The following FBN2 variants were observed in gnomAD, a reference collection of about 807,000 sequenced individuals.
FBN2 encodes the protein fibrillin-2.
In FBN2, 105 loss-of-function variants were observed where a neutral mutation model predicts 355.6. The ratio of observed to expected loss-of-function variants is 0.30; its 90% confidence interval spans 0.25 to 0.35. The LOEUF (loss-of-function observed/expected upper bound fraction) is 0.35. FBN2 is among the 10% of genes least tolerant of loss of function. The probability of loss-of-function intolerance (pLI) is 1.00; values close to 1 mark genes in which losing one functional copy is unlikely to be tolerated. For synonymous variants in FBN2, 1,350 were observed against 1,301.2 expected (o/e 1.04, Z -0.81); for missense variants, 3,280 against 3,758.7 (o/e 0.87, Z 3.33).
At chr5:128,298,417 C>T (rs375116005) in intron 48 of FBN2, among the ~76,000 whole-genome samples, 11 of 151,982 alleles carry the variant, frequency 7.2e-5, no homozygotes, top group East Asian at 1.9e-4. Context: ...TCCTGGATAA[C>T]ATCCTGCAGA....
intron 11 of FBN2, among the ~76,000 whole-genome samples, chr5:128,390,448 C>A (rs968933912): frequency 6.6e-6 from 1 of 152,036 alleles, no homozygotes; most frequent in African/African-American, 2.4e-5. Flanking sequence ...CAGGTTAAGG[C>A]AATGGCACCA....
At chr5:128,269,702 C>T (rs754613012) in intron 62 of FBN2, among the ~76,000 whole-genome samples, 4 of 152,150 alleles carry the variant, frequency 2.6e-5, no homozygotes, top group Non-Finnish European at 5.9e-5. Flanking sequence ...AGGAGAACTA[C>T]AAACCACTGC....
Position 128,361,874 on chromosome 5 carries a change from A to G in FBN2, c.2429-26T>C, listed in dbSNP as rs761532977. On this transcript the variant is annotated intron_variant, in intron 18 of 64. Transcript: ENST00000262464. ...CTGAAAGCAACGATTGAAAGATAGGAGATACACATATTTAAGCATCTATTA... is the reference window on the plus strand; with the variant it reads ...CTGAAAGCAACGATTGAAAGATAGGGGATACACATATTTAAGCATCTATTA... The G allele has an allele frequency of 2.5e-6, 4 of 1,611,092 alleles. No homozygotes were observed. The South Asian group carries it at 4.4e-5, about 18-fold the overall frequency.
intron 5 of FBN2, among the ~76,000 whole-genome samples, chr5:128,518,305 T>C (rs1461505692): frequency 6.6e-6 from 1 of 152,156 alleles, no homozygotes; most frequent in East Asian, 1.9e-4. Flanking sequence ...TCTATATAGG[T>C]CATGAGTTTA....
At chr5:128,523,314 G>A (rs894869034) in intron 4 of FBN2, among the ~76,000 whole-genome samples, 3 of 151,996 alleles carry the variant, frequency 2.0e-5, no homozygotes, top group African/African-American at 7.2e-5. Context: ...TTCTTCCTTC[G>A]TTTTCTAGGA....
chr5:128,272,839 T>C (rs1004350402), intron 61 of FBN2, among the ~76,000 whole-genome samples: 3 of 152,148 alleles, frequency 2.0e-5, no homozygotes, highest in Middle Eastern at 3.2e-3. Context: ...TGGTATCTTA[T>C]GGGGATGGTC....
chr5:128,307,527 A>C (rs1268938184), intron 41 of FBN2, among the ~76,000 whole-genome samples: 1 of 152,122 alleles, frequency 6.6e-6, no homozygotes, highest in Non-Finnish European at 1.5e-5. Flanking sequence ...GCTTTAAAAA[A>C]CATCCAATAC....
chr5:128,439,833 T>C (rs928542739), intron 7 of FBN2, among the ~76,000 whole-genome samples: 1 of 152,174 alleles, frequency 6.6e-6, no homozygotes, highest in South Asian at 2.1e-4. Flanking sequence ...ATAAAAATGC[T>C]CATGATTATT....
intron 20 of FBN2, among the ~76,000 whole-genome samples, chr5:128,353,225 C>T (rs1751416136): frequency 6.6e-6 from 1 of 151,884 alleles, no homozygotes; most frequent in African/African-American, 2.4e-5. Flanking sequence ...CCCCCCTGCC[C>T]CCAAACACAG....
chr5:128,289,358 T>G (rs1332743119), intron 51 of FBN2, 106 bp from the exon 52 acceptor site: 1 of 1,135,658 alleles, frequency 8.8e-7, no homozygotes, highest in African/African-American at 1.5e-5. Flanking sequence ...CCGAGGTGGG[T>G]GGATCACCTG....
intron 7 of FBN2, among the ~76,000 whole-genome samples, chr5:128,429,061 C>T (rs1753553061): frequency 6.6e-6 from 1 of 152,172 alleles, no homozygotes; most frequent in South Asian, 2.1e-4. Flanking sequence ...CTGTGAGGCC[C>T]TCACCTGGCA....
chr5:128,406,317 C>T (rs534579267), intron 8 of FBN2, among the ~76,000 whole-genome samples: 1 of 152,292 alleles, frequency 6.6e-6, no homozygotes, highest in East Asian at 1.9e-4. Context: ...GTGGCTGTAA[C>T]TTTTGCAGTG....
chr5:128,485,805 A>C (rs2127117034), intron 5 of FBN2, among the ~76,000 whole-genome samples: 1 of 152,314 alleles, frequency 6.6e-6, no homozygotes, highest in African/African-American at 2.4e-5. Flanking sequence ...CTGAAGCAAT[A>C]GTTTTCAAAG....
Position 128,527,978 on chromosome 5 carries a change from C to T in FBN2, c.437-11G>A. 1 of 1,591,304 alleles carries T rather than the reference C, an allele frequency of 6.3e-7. No homozygotes were observed. The highest frequency in any genetic ancestry group is 8.6e-7 in the Non-Finnish European group (1 of 1,160,068). ...CACTGCACTGCTGAACTGCAAAGAG[C>T]AATAACAAAAAGTATAAAAACATCA... On this transcript the variant is annotated splice_polypyrimidine_tract_variant and intron_variant, in intron 3 of 64. Transcript: ENST00000262464.
intron 25 of FBN2, among the ~76,000 whole-genome samples, chr5:128,341,045 G>T (rs1171150565): frequency 6.6e-6 from 1 of 152,112 alleles, no homozygotes; most frequent in African/African-American, 2.4e-5. Context: ...AATGAGTGTG[G>T]GTACAGGACG....
chr5:128,500,018 C>T (rs1755762352), intron 5 of FBN2, among the ~76,000 whole-genome samples: 1 of 152,120 alleles, frequency 6.6e-6, no homozygotes, highest in Non-Finnish European at 1.5e-5. Context: ...GAGTAATATG[C>T]ACTTAATAAA....
intron 52 of FBN2, 147 bp downstream of exon 52, chr5:128,288,980 G>A (rs1199553601): frequency 1.3e-6 from 1 of 794,906 alleles, no homozygotes; most frequent in Non-Finnish European, 2.1e-6. Context: ...ACTGGAAAAT[G>A]TAAGACTGGT....
At position 128,376,815 on chromosome 5, in the gene FBN2, C is replaced by A; in HGVS notation, c.1888G>T (p.Gly630Ter). The stretch of plus-strand genomic sequence containing the variant: ...CTGCCATCTTCATTGATGCACATTC[C>A]ATTCAAACACATGTTGGTAGTTGTA... ...ECTTTNMCLNGMCINEDGSFK... is the reference protein window; with the variant it reads ...ECTTTNMCLN The change falls in exon 14 of 65, where the codon GGA becomes TGA. Residue 630 changes from glycine to a stop codon, truncating the protein, a stop_gained. Transcript: ENST00000262464. LOFTEE classifies it high-confidence loss of function. 1 of 1,613,574 alleles carries A rather than the reference C, an allele frequency of 6.2e-7. No homozygotes were observed. The highest frequency in any genetic ancestry group is 8.5e-7 in the Non-Finnish European group (1 of 1,179,652).
At chr5:128,465,506 C>T (rs527396555) in intron 5 of FBN2, among the ~76,000 whole-genome samples, 1 of 152,206 alleles carries the variant, frequency 6.6e-6, no homozygotes, top group Non-Finnish European at 1.5e-5. Context: ...TATGCTCCTT[C>T]CATATCACAC....
Sources: allele counts gnomAD v4.1 joint callset (sites outside exome capture counted in the v4.1 genomes callset), GRCh38; gene constraint gnomAD v4.1.1; transcripts MANE v1.5; gene names NCBI Gene and HGNC (gene_info 2026-07-23, HGNC 2026-07-21).